Variants in GAN observed in about 807,000 individuals in gnomAD.
GAN encodes gigaxonin.
In GAN, 48 loss-of-function variants were observed where a neutral mutation model predicts 71.3. The observed-to-expected ratio is 0.67, with a 90% CI of 0.53 to 0.86. The LOEUF is 0.86. Among genes scored for constraint, GAN ranks in the 40% least tolerant of loss-of-function variants. The pLI is 0.00. For missense variants in GAN, 928 were observed against 770.1 expected (o/e 1.21, Z -2.43); for synonymous variants, 386 against 276.8 (o/e 1.39, Z -3.92).
intron 9 of GAN, among the ~76,000 whole-genome samples, chr16:81,366,244 C>G (rs1910853268): frequency 6.6e-6 from 1 of 152,200 alleles, no homozygotes; most frequent in African/African-American, 2.4e-5. Context: ...CCTTCGTCAG[C>G]TCTGTATCCT....
In GAN at chr16:81,369,283, G is replaced by A. The variant is rs866128884; in HGVS notation, c.1502+3805G>A. Among the ~76,000 whole-genome samples the A allele has an allele frequency of 3.9e-5, 6 of 152,226 alleles. No homozygotes were observed. In the East Asian group the frequency reaches 9.7e-4, roughly 25 times the overall value. ...CAACAAGGGCTAAGTGGAAGTCCCCGGAGCTCTGCTTCCCTACCAAAATAG... is the reference window on the plus strand; with the variant it reads ...CAACAAGGGCTAAGTGGAAGTCCCCAGAGCTCTGCTTCCCTACCAAAATAG... On this transcript the variant is annotated intron_variant, in intron 9 of 10. Coordinates refer to ENST00000648994, the MANE Select transcript of GAN (RefSeq NM_022041.4).
chr16:81,366,276 C>G (rs1016210996), intron 9 of GAN, among the ~76,000 whole-genome samples: 1 of 152,214 alleles, frequency 6.6e-6, no homozygotes, highest in Non-Finnish European at 1.5e-5. Context: ...TCCTACCTGT[C>G]TGTATCAGAT....
intron 9 of GAN, among the ~76,000 whole-genome samples, 155 bp from the exon 10 acceptor site, chr16:81,377,064 G>A (rs531983871): frequency 3.0e-4 from 46 of 152,306 alleles, no homozygotes; most frequent in African/African-American, 1.1e-3. Flanking sequence ...GCGACTGGCA[G>A]CATGTCGGTG....
intron 1 of GAN, among the ~76,000 whole-genome samples, chr16:81,339,227 A>G (rs1248043817): frequency 2.0e-5 from 3 of 152,218 alleles, no homozygotes; most frequent in East Asian, 1.9e-4. Flanking sequence ...TGCATTGCCA[A>G]CCTTCTGAAT....
At chr16:81,368,348 C>T (rs1039939903) in intron 9 of GAN, among the ~76,000 whole-genome samples, 6 of 152,228 alleles carry the variant, frequency 3.9e-5, no homozygotes, top group Non-Finnish European at 7.3e-5. Context: ...CCTATAATCC[C>T]AGAACTCTGG....
intron 1 of GAN, among the ~76,000 whole-genome samples, chr16:81,326,404 A>T (rs1909389680): frequency 6.6e-6 from 1 of 151,008 alleles, no homozygotes; most frequent in South Asian, 2.1e-4. Context: ...GTGGTGGCAC[A>T]TGCCTGTAAT....
intron 1 of GAN, among the ~76,000 whole-genome samples, chr16:81,349,227 C>G (rs2150682526): frequency 6.6e-6 from 1 of 152,266 alleles, no homozygotes; most frequent in Middle Eastern, 3.4e-3. Context: ...CCTGTACTAC[C>G]AGTTCCCGGA....
chr16:81,375,028 GA>G (rs1367356517), intron 9 of GAN, among the ~76,000 whole-genome samples: 1 of 152,166 alleles, frequency 6.6e-6, no homozygotes, highest in Non-Finnish European at 1.5e-5. Flanking sequence ...GAGCATAGGA[GA>G]AAAATCTTCG....
chr16:81,376,648 A>G (rs1019947961), intron 9 of GAN, among the ~76,000 whole-genome samples: 6 of 150,764 alleles, frequency 4.0e-5, no homozygotes, highest in Non-Finnish European at 8.8e-5. Context: ...GTGTGTATAT[A>G]TGTGTGTATA....
intron 1 of GAN, among the ~76,000 whole-genome samples, chr16:81,338,250 A>G (rs921287577): frequency 6.6e-6 from 1 of 152,194 alleles, no homozygotes; most frequent in Non-Finnish European, 1.5e-5. Flanking sequence ...TGCATTTTCT[A>G]GGAGAGTTTG....
chr16:81,330,835 C>T (rs1458771339), intron 1 of GAN, among the ~76,000 whole-genome samples: 2 of 152,224 alleles, frequency 1.3e-5, no homozygotes, highest in Non-Finnish European at 2.9e-5. Context: ...TAGAACAAGA[C>T]ATAATAATAT....
chr16:81,373,103 C>A lies in GAN; in HGVS notation c.1503-4116C>A, dbSNP rs371217425. On this transcript the variant is annotated intron_variant, in intron 9 of 10. Coordinates refer to ENST00000648994, the MANE Select transcript of GAN (RefSeq NM_022041.4). Reference sequence around the variant, plus strand: ...AATTCAAAATGTGGAAGCCACCTGCCTTAGAAGAGTCTAGGAAGAGTATTC... The same window carrying A: ...AATTCAAAATGTGGAAGCCACCTGCATTAGAAGAGTCTAGGAAGAGTATTC... Among the ~76,000 whole-genome samples the A allele has an allele frequency of 7.2e-5, 11 of 152,268 alleles. No homozygotes were observed. The East Asian group carries it at 2.1e-3, about 29-fold the overall frequency.
At chr16:81,367,771 G>A (rs1457453841) in intron 9 of GAN, among the ~76,000 whole-genome samples, 1 of 152,184 alleles carries the variant, frequency 6.6e-6, no homozygotes, top group African/African-American at 2.4e-5. Flanking sequence ...TATGAGGAAA[G>A]GGTGAGCGGT....
At chr16:81,333,585 A>G (rs1448001871) in intron 1 of GAN, among the ~76,000 whole-genome samples, 1 of 152,230 alleles carries the variant, frequency 6.6e-6, no homozygotes, top group African/African-American at 2.4e-5. Context: ...AGAGGCTTAC[A>G]TGACTGGATT....
rs1364055604 is a variant in GAN, at chr16:81,390,235, A to G, written c.*12639A>G. ...AATTGTACTCCCCAAGTTCAGTAGG[A>G]TAGTAGAGAAGTCGTGCTAAGTTGA... On this transcript the variant is annotated 3_prime_UTR_variant, in exon 11 of 11. Transcript: ENST00000648994. The G allele has an allele frequency of 2.0e-5, 3 of 152,234 alleles. No individual in the cohort carries two copies. The highest frequency in any genetic ancestry group is 7.2e-5 in the African/African-American group (3 of 41,464). The allele number at this position is 152,234 out of a possible 1,614,324, so 9.4% of individuals were successfully genotyped here.
chr16:81,344,540 T>A (rs1045653233), intron 1 of GAN, among the ~76,000 whole-genome samples: 2 of 152,138 alleles, frequency 1.3e-5, no homozygotes, highest in Admixed American at 1.3e-4. Flanking sequence ...TAAATCATGC[T>A]GGGAAAACTG....
Position 81,365,085 on chromosome 16 carries a change from G to C in GAN, c.1348G>C (p.Ala450Pro). 1 of 1,613,548 alleles carries C rather than the reference G, an allele frequency of 6.2e-7. No homozygotes were observed. Among genetic ancestry groups the C allele is most frequent in the Non-Finnish European group, 8.5e-7 (1 of 1,179,518 alleles). The change falls in exon 8 of 11, where the codon GCC becomes CCC. Residue 450 changes from alanine to proline, a missense_variant. Ala to Pro is a conservative substitution (Grantham distance 27). Transcript: ENST00000648994. The part of the protein sequence containing the change: ...CYDPRTQQWT[A>P]ICPLKERRFG... ...TGATCCCAGGACCCAGCAGTGGACT[G>C]CCATATGTCCACTAAAAGAGAGGAG...
intron 9 of GAN, chr16:81,372,058 C>G (rs890826182): frequency 2.6e-5 from 4 of 152,296 alleles, no homozygotes; most frequent in African/African-American, 7.2e-5. Context: ...CTCTTTTCCT[C>G]TATAGCTCTC....
chr16:81,330,497 C>G (rs1292694882), intron 1 of GAN, among the ~76,000 whole-genome samples: 1 of 152,094 alleles, frequency 6.6e-6, no homozygotes, highest in Non-Finnish European at 1.5e-5. Flanking sequence ...AGATAAACAC[C>G]CATGTGTCTG....
Sources: gnomAD v4.1 joint callset for allele counts (sites outside exome capture counted in the v4.1 genomes callset) on GRCh38, gnomAD v4.1.1 for gene constraint, MANE v1.5 for transcripts, NCBI Gene and HGNC (gene_info 2026-07-23, HGNC 2026-07-21) for gene names.